The following TNKS variants were observed in gnomAD, a reference collection of about 807,000 sequenced individuals.
TNKS encodes the protein poly [ADP-ribose] polymerase tankyrase-1.
TNKS carries 72 observed loss-of-function variants against 135.8 expected under a neutral mutation model. The observed-to-expected ratio is 0.53, with a 90% CI of 0.44 to 0.64. The LOEUF (loss-of-function observed/expected upper bound fraction) is 0.64, where lower values mean the gene tolerates loss of function less well. Ranked by LOEUF, TNKS falls within the 30% of genes least tolerant of loss-of-function variation. TNKS has a pLI of 0.00. For synonymous variants in TNKS, 849 were observed against 649.3 expected, an observed-to-expected ratio of 1.31 and a Z score of -4.68; for missense variants, 1,769 against 1,674.0, an observed-to-expected ratio of 1.06 and a Z score of -0.99.
At chr8:9,728,536 GAGTTAATTT>G (rs1171826946) in intron 13 of TNKS, among the ~76,000 whole-genome samples, 2 of 152,084 alleles carry the variant, frequency 1.3e-5, no homozygotes, top group Non-Finnish European at 2.9e-5. Context: ...AATAATAATA[GAGTTAATTT>G]AGAATGTAAG....
Position 9,632,003 on chromosome 8 carries a change from G to A in TNKS, c.994+16326G>A, listed in dbSNP as rs544779625. Among the ~76,000 whole-genome samples the A allele has an allele frequency of 7.2e-5, 11 of 152,188 alleles. 1 individual carries two copies. The East Asian group carries it at 1.7e-3, about 24-fold the overall frequency. ...ATTAAAACCTTTGACAAAGCTTTCA[G>A]CAGAGTATTAATGGCAGTTTTATTT... is the stretch of plus-strand genomic sequence containing the variant. On this transcript the variant is annotated intron_variant, in intron 3 of 26. Transcript: ENST00000310430.
chr8:9,601,589 C>G lies in TNKS; in HGVS notation c.899-13993C>G, dbSNP rs556819186. 4.6e-5 allele frequency among the ~76,000 whole-genome samples: 7 copies of G among 152,286 alleles called. 1 individual carries two copies. The South Asian group carries it at 1.5e-3, about 32-fold the overall frequency. ...ATGTCTGGGAGACAGAGAAAGACAG[C>G]AACACCTGAATTTTGAGGCACATTT... On this transcript the variant is annotated intron_variant, in intron 2 of 26. Transcript: ENST00000310430.
rs527503596 is a variant in TNKS, at chr8:9,771,636, AAGAG to A, written c.3897+1381_3897+1384del. Reference sequence around the variant, plus strand: ...AAGAGAGGAAGGAAAGAGGGAGGGAAAGAGAGAGAGGGATGAATGGAGGGGAGAG... The same window carrying A: ...AAGAGAGGAAGGAAAGAGGGAGGGAAAGAGAGGGATGAATGGAGGGGAGAG... On this transcript the variant is annotated intron_variant, in intron 26 of 26. Coordinates refer to ENST00000310430, the MANE Select transcript of TNKS (RefSeq NM_003747.3). 2.6e-4 allele frequency among the ~76,000 whole-genome samples: 27 copies of A among 102,654 alleles called. 1 individual carries two copies. Among genetic ancestry groups the A allele is most frequent in the Admixed American group, 4.9e-4 (5 of 10,286 alleles). 67.3% of individuals were successfully genotyped at this position (102,654 alleles called of 152,430 possible). A position where few individuals can be genotyped will look rare whatever the true frequency, so the allele number is the denominator to read the frequency against.
intron 3 of TNKS, among the ~76,000 whole-genome samples, chr8:9,651,046 A>G (rs1298699925): frequency 9.4e-5 from 1 of 10,594 alleles, no homozygotes; most frequent in Non-Finnish European, 9.5e-4. Context: ...CTTGCCAATT[A>G]TACCAACACC....
intron 2 of TNKS, among the ~76,000 whole-genome samples, chr8:9,582,454 TATGTGGGGTAGA>T (rs1201325398): frequency 3.9e-5 from 6 of 152,216 alleles, no homozygotes; most frequent in Non-Finnish European, 8.8e-5. Context: ...CATATCTCTA[TATGTGGGGTAGA>T]ATAGCAAATA....
chr8:9,564,995 A>G (rs1046356711), intron 1 of TNKS, among the ~76,000 whole-genome samples: 1 of 149,944 alleles, frequency 6.7e-6, no homozygotes, highest in Non-Finnish European at 1.5e-5. Flanking sequence ...AGCTCAGGAT[A>G]ACCCCGGGGC....
chr8:9,667,763 A>G (rs984128498), intron 3 of TNKS, among the ~76,000 whole-genome samples: 1 of 151,250 alleles, frequency 6.6e-6, no homozygotes, highest in African/African-American at 2.4e-5. Context: ...AAGTATCACT[A>G]AATCTCTTAC....
At chr8:9,561,778 C>G (rs1318176678) in intron 1 of TNKS, among the ~76,000 whole-genome samples, 1 of 152,118 alleles carries the variant, frequency 6.6e-6, no homozygotes, top group Non-Finnish European at 1.5e-5. Context: ...ACTGCCAACA[C>G]CTTTCCCCAA....
At chr8:9,628,775 C>A (rs1800167743) in intron 3 of TNKS, among the ~76,000 whole-genome samples, 1 of 152,190 alleles carries the variant, frequency 6.6e-6, no homozygotes, top group African/African-American at 2.4e-5. Context: ...CTACTACCTA[C>A]TTGACATTTC....
chr8:9,730,839 A>T, intron 13 of TNKS, 51 bp from the exon 14 acceptor site: 2 of 1,569,946 alleles, frequency 1.3e-6, no homozygotes, highest in South Asian at 2.3e-5. Context: ...AAACCTGTGA[A>T]TAAAGAGTAA....
At chr8:9,772,922 A>G (rs1205701138) in intron 26 of TNKS, among the ~76,000 whole-genome samples, 1 of 146,594 alleles carries the variant, frequency 6.8e-6, no homozygotes, top group Non-Finnish European at 1.5e-5. Flanking sequence ...GCAAATGATA[A>G]AGCAAATGAG....
At chr8:9,771,480 A>AG (rs1196886139) in intron 26 of TNKS, among the ~76,000 whole-genome samples, 1 of 128,906 alleles carries the variant, frequency 7.8e-6, no homozygotes, top group Non-Finnish European at 1.6e-5. Context: ...AGAAGAAGGA[A>AG]GGGGGAAAGA....
At chr8:9,663,672 G>T (rs1195113712) in intron 3 of TNKS, among the ~76,000 whole-genome samples, 1 of 152,196 alleles carries the variant, frequency 6.6e-6, no homozygotes, top group Non-Finnish European at 1.5e-5. Flanking sequence ...GGGTTCCCAT[G>T]ACCTCTTCAT....
At chr8:9,755,785 A>G (rs1388008346) in intron 20 of TNKS, among the ~76,000 whole-genome samples, 3 of 152,258 alleles carry the variant, frequency 2.0e-5, no homozygotes, top group African/African-American at 7.2e-5. Flanking sequence ...GTTCCTACTC[A>G]TGGATGCCAG....
chr8:9,740,762 A>T (rs1042005968), intron 17 of TNKS, among the ~76,000 whole-genome samples: 4 of 151,602 alleles, frequency 2.6e-5, no homozygotes, highest in African/African-American at 9.7e-5. Flanking sequence ...CTTCTACCAA[A>T]GACTTAGCAT....
At chr8:9,558,804 T>C (rs1797194849) in intron 1 of TNKS, 1 of 152,186 alleles carries the variant, frequency 6.6e-6, no homozygotes. Flanking sequence ...GAAAACACAG[T>C]AATAAAATTC....
At chr8:9,730,022 G>T (rs1805356017) in intron 13 of TNKS, among the ~76,000 whole-genome samples, 1 of 152,070 alleles carries the variant, frequency 6.6e-6, no homozygotes, top group East Asian at 1.9e-4. Context: ...TGATCTGCCT[G>T]CCTTGGCCTC....
intron 2 of TNKS, chr8:9,615,300 C>T (rs970488139): frequency 5.3e-5 from 12 of 227,376 alleles, no homozygotes; most frequent in African/African-American, 2.3e-4. Context: ...CATACTGCTG[C>T]TTGAAGGAGG....
chr8:9,680,984 A>C (rs1802758582), intron 5 of TNKS, 184 bp downstream of exon 5: 1 of 453,354 alleles, frequency 2.2e-6, no homozygotes, highest in South Asian at 5.2e-5. Context: ...CTGGTGAAGC[A>C]TGGATCTTAA....
Sources: gnomAD v4.1 joint callset for allele counts (sites outside exome capture counted in the v4.1 genomes callset) on GRCh38, gnomAD v4.1.1 for gene constraint, MANE v1.5 for transcripts, NCBI Gene and HGNC (gene_info 2026-07-23, HGNC 2026-07-21) for gene names.